The following SGCZ variants were observed in gnomAD, a reference collection of about 807,000 sequenced individuals.
SGCZ encodes zeta-sarcoglycan.
A neutral mutation model predicts 41.3 loss-of-function variants in SGCZ; 40 were observed. The ratio of observed to expected loss-of-function variants is 0.97; its 90% CI spans 0.75 to 1.26. The LOEUF (loss-of-function observed/expected upper bound fraction) is 1.26, where lower values mean the gene tolerates loss of function less well. SGCZ is among the 50% of genes most tolerant of loss of function. SGCZ has a pLI of 0.00. For synonymous variants in SGCZ, 206 were observed against 137.5 expected (o/e 1.50, Z -3.49); for missense variants, 552 against 369.8 (o/e 1.49, Z -4.04).
At chr8:14,859,178 G>A (rs921372636) in intron 1 of SGCZ, among the ~76,000 whole-genome samples, 2 of 152,030 alleles carry the variant, frequency 1.3e-5, no homozygotes, top group Non-Finnish European at 2.9e-5. Flanking sequence ...TCTCTATTTT[G>A]TGACACAGAT....
At chr8:14,101,371 A>G in intron 7 of SGCZ, among the ~76,000 whole-genome samples, 1 of 74,086 alleles carries the variant, frequency 1.3e-5, no homozygotes, top group African/African-American at 2.9e-5. Context: ...TTGGGAAAAG[A>G]CCATGGAAAA....
At chr8:14,280,669 T>C (rs1035135039) in intron 3 of SGCZ, among the ~76,000 whole-genome samples, 1 of 151,946 alleles carries the variant, frequency 6.6e-6, no homozygotes, top group Non-Finnish European at 1.5e-5. Flanking sequence ...TTACTATTAC[T>C]ATTGCTTATC....
rs557388243 is a variant in SGCZ at position 15,053,481 on chromosome 8, G to C, written c.39+184104C>G. 7.2e-5 allele frequency among the ~76,000 whole-genome samples: 11 copies of C among 152,222 alleles called. 1 individual carries two copies. The South Asian group carries it at 2.3e-3, about 32-fold the overall frequency. ...TGAACTAACCTGCAATCCTGGTCCT[G>C]TGCATCCAATGTGAATGGTAGCTGG... On this transcript the variant is annotated intron_variant, in intron 1 of 7. Coordinates refer to ENST00000382080, the MANE Select transcript of SGCZ (RefSeq NM_139167.4).
intron 1 of SGCZ, among the ~76,000 whole-genome samples, chr8:15,013,491 C>T (rs1039927972): frequency 6.6e-6 from 1 of 152,086 alleles, no homozygotes; most frequent in Non-Finnish European, 1.5e-5. Context: ...TAAGTAATGC[C>T]TATTTCCTTT....
At chr8:15,065,141 A>G (rs948890591) in intron 1 of SGCZ, among the ~76,000 whole-genome samples, 1 of 152,016 alleles carries the variant, frequency 6.6e-6, no homozygotes, top group African/African-American at 2.4e-5. Flanking sequence ...TGTATCCTCC[A>G]ACAAGACGGA....
At chr8:15,024,935 C>CAAATAAATAAATAAAT (rs71209100) in intron 1 of SGCZ, among the ~76,000 whole-genome samples, 1,977 of 142,700 alleles carry the variant, frequency 0.014, 21 homozygotes, top group Non-Finnish European at 0.02. Flanking sequence ...GACTCCGTCT[C>CAAATAAATAAATAAAT]AAATAAATAA....
rs1172333828 is a variant in SGCZ, at chr8:14,090,308, C to G, written c.*135G>C. Reference sequence around the variant, plus strand: ...ATCACAAGAGAAGGTGGTGGCGAATCCCTGCTCACACTGGAAGTTGCTCTG... The same window carrying G: ...ATCACAAGAGAAGGTGGTGGCGAATGCCTGCTCACACTGGAAGTTGCTCTG... On this transcript the variant is annotated 3_prime_UTR_variant, in exon 8 of 8. Transcript: ENST00000382080. The G allele has an allele frequency of 2.4e-6, 2 of 834,782 alleles. No homozygotes were observed. Among genetic ancestry groups the G allele is most frequent in the African/African-American group, 1.7e-5 (1 of 58,630 alleles). The allele number at this position is 834,782 out of a possible 1,614,324, so 51.7% of individuals were successfully genotyped here.
At chr8:14,831,875 T>C (rs1802546359) in intron 1 of SGCZ, among the ~76,000 whole-genome samples, 1 of 152,160 alleles carries the variant, frequency 6.6e-6, no homozygotes, top group African/African-American at 2.4e-5. Context: ...TGTGTGTATA[T>C]GTATATACTT....
intron 1 of SGCZ, among the ~76,000 whole-genome samples, chr8:14,804,981 G>T: frequency 3.5e-5 from 3 of 86,002 alleles, no homozygotes; most frequent in Non-Finnish European, 2.3e-5. Flanking sequence ...GCCAAACTAA[G>T]CTTCATAAGT....
chr8:14,640,345 C>A (rs989379481), intron 1 of SGCZ, among the ~76,000 whole-genome samples: 7 of 151,636 alleles, frequency 4.6e-5, no homozygotes, highest in Admixed American at 2.0e-4. Context: ...ACTTTTAGCA[C>A]TTTGAAGATA....
At chr8:15,014,424 T>C (rs1802949368) in intron 1 of SGCZ, among the ~76,000 whole-genome samples, 1 of 152,220 alleles carries the variant, frequency 6.6e-6, no homozygotes. Context: ...TGCGTGTGTC[T>C]TTGTAAATGA....
chr8:14,786,326 C>T (rs560376777), intron 1 of SGCZ, among the ~76,000 whole-genome samples: 11 of 152,130 alleles, frequency 7.2e-5, no homozygotes, highest in East Asian at 5.8e-4. Context: ...CATAAGTTCC[C>T]TAAAGTTTAC....
chr8:14,925,638 A>G (rs752669791), intron 1 of SGCZ, among the ~76,000 whole-genome samples: 1 of 152,204 alleles, frequency 6.6e-6, no homozygotes, highest in Non-Finnish European at 1.5e-5. Context: ...GCACCAATCT[A>G]ACGAATCCTT....
At chr8:15,059,327 TC>T (rs1486882787) in intron 1 of SGCZ, among the ~76,000 whole-genome samples, 1 of 152,176 alleles carries the variant, frequency 6.6e-6, no homozygotes, top group African/African-American at 2.4e-5. Flanking sequence ...AGATCTTACC[TC>T]CTAAGGAGCA....
In SGCZ at chr8:14,303,782, T is replaced by C. The variant is rs79096516; in HGVS notation, c.336+20321A>G. On this transcript the variant is annotated intron_variant, in intron 3 of 7. Coordinates refer to ENST00000382080, the MANE Select transcript of SGCZ (RefSeq NM_139167.4). The stretch of plus-strand genomic sequence containing the variant: ...ATCTACATACATATGTATATTGATA[T>C]ATATTGTCACCCAGGCTGGAGTGAA... Among the ~76,000 whole-genome samples, 40 of 152,126 alleles carry C rather than the reference T, an allele frequency of 2.6e-4. No homozygotes were observed. The East Asian group carries it at 7.0e-3, about 27-fold the overall frequency.
chr8:15,028,420 G>C (rs1585488831), intron 1 of SGCZ, among the ~76,000 whole-genome samples: 1 of 151,384 alleles, frequency 6.6e-6, no homozygotes, highest in African/African-American at 2.4e-5. Context: ...AGTTTCATAA[G>C]GAACACTATC....
intron 2 of SGCZ, among the ~76,000 whole-genome samples, chr8:14,548,109 A>G (rs1316479966): frequency 6.6e-6 from 1 of 152,062 alleles, no homozygotes; most frequent in Non-Finnish European, 1.5e-5. Context: ...AATTCTTTTG[A>G]TTTCTACATC....
chr8:14,571,195 C>T (rs913349214), intron 1 of SGCZ, among the ~76,000 whole-genome samples: 9 of 152,044 alleles, frequency 5.9e-5, no homozygotes, highest in South Asian at 2.1e-4. Flanking sequence ...CAGGGGAAAC[C>T]GCCACTTACA....
chr8:14,446,679 T>G (rs1800441484), intron 2 of SGCZ, among the ~76,000 whole-genome samples: 2 of 152,192 alleles, frequency 1.3e-5, no homozygotes. Context: ...AAGGTTTATA[T>G]TAGATATAAT....
Sources: allele counts gnomAD v4.1 joint callset (sites outside exome capture counted in the v4.1 genomes callset), GRCh38; gene constraint gnomAD v4.1.1; transcripts MANE v1.5; gene names NCBI Gene and HGNC (gene_info 2026-07-23, HGNC 2026-07-21).